GPR158: variants seen among roughly 807,000 people sequenced by gnomAD.
GPR158 encodes G protein-coupled receptor 158, also known as metabotropic glycine receptor.
Under a neutral mutation model 78.2 loss-of-function variants are expected in GPR158, and 30 were observed. That is an observed-to-expected ratio of 0.38 (90% confidence interval 0.29 to 0.52). GPR158 has a LOEUF of 0.52. Among genes scored for constraint, GPR158 ranks in the 20% least tolerant of loss-of-function variants. The probability of loss-of-function intolerance (pLI) is 0.83; values close to 1 mark genes in which losing one functional copy is unlikely to be tolerated. For synonymous variants in GPR158, 581 were observed against 591.1 expected, an observed-to-expected ratio of 0.98 and a Z score of 0.25; for missense variants, 1,463 against 1,523.5, an observed-to-expected ratio of 0.96 and a Z score of 0.66.
intron 4 of GPR158, among the ~76,000 whole-genome samples, chr10:25,465,020 T>A (rs1408224577): frequency 6.6e-6 from 1 of 152,178 alleles, no homozygotes; most frequent in East Asian, 1.9e-4. Context: ...AATTCTTAAA[T>A]TAATGCAAGC....
intron 2 of GPR158, among the ~76,000 whole-genome samples, chr10:25,267,045 T>C (rs1163904911): frequency 6.6e-6 from 1 of 152,198 alleles, no homozygotes; most frequent in Non-Finnish European, 1.5e-5. Flanking sequence ...GTTTTGTCTT[T>C]CTGCCCTCTA....
At position 25,376,916 on chromosome 10, in the gene GPR158, A is replaced by G. The variant is rs1005131326; in HGVS notation, c.1009-18995A>G. Among the ~76,000 whole-genome samples the G allele has an allele frequency of 2.0e-5, 3 of 151,510 alleles. No individual in the cohort carries two copies. The East Asian group carries it at 5.8e-4, about 29-fold the overall frequency. ...ATAACATATATATACATATGATTAT[A>G]TATGTAAAATTATATGTGTATATTT... is the stretch of plus-strand genomic sequence containing the variant. On this transcript the variant is annotated intron_variant, in intron 2 of 10. Transcript: ENST00000376351.
chr10:25,273,529 T>C (rs1256184312), intron 2 of GPR158, among the ~76,000 whole-genome samples: 1 of 151,782 alleles, frequency 6.6e-6, no homozygotes, highest in Non-Finnish European at 1.5e-5. Context: ...TATGAGGTAA[T>C]TTGCACCTAC....
Position 25,191,617 on chromosome 10 carries a change from G to GAAACAGCTTCATAT in GPR158, c.902+15318_902+15331dup, listed in dbSNP as rs879258231. ...TTGAAACACATATAAACATGTCATA[G>GAAACAGCTTCATAT]AAACAGCTTCATATAAACAGCTTCA... On this transcript the variant is annotated intron_variant, in intron 1 of 10. Coordinates refer to ENST00000376351, the MANE Select transcript of GPR158 (RefSeq NM_020752.3). 4.3e-3 allele frequency among the ~76,000 whole-genome samples: 660 copies of GAAACAGCTTCATAT among 152,254 alleles called. 3 individuals carry two copies. The highest frequency in any genetic ancestry group is 0.016 in the South Asian group (78 of 4,820).
chr10:25,394,140 A>G (rs1228331982), intron 2 of GPR158, among the ~76,000 whole-genome samples: 9 of 152,208 alleles, frequency 5.9e-5, no homozygotes, highest in African/African-American at 2.2e-4. Flanking sequence ...CTCAGGCCAA[A>G]AACGCTGGAG....
intron 5 of GPR158, among the ~76,000 whole-genome samples, chr10:25,495,455 G>A (rs1293941155): frequency 6.6e-6 from 1 of 151,496 alleles, no homozygotes; most frequent in African/African-American, 2.4e-5. Flanking sequence ...ATCACGCCCG[G>A]CCAATTTTTT....
At chr10:25,281,467 A>G (rs1288096587) in intron 2 of GPR158, among the ~76,000 whole-genome samples, 1 of 151,718 alleles carries the variant, frequency 6.6e-6, no homozygotes, top group Non-Finnish European at 1.5e-5. Flanking sequence ...AGTCCCAGCT[A>G]CTTGGGAGGC....
Position 25,371,265 on chromosome 10 carries a change from G to A in GPR158, c.1009-24646G>A, listed in dbSNP as rs1286467993. Among the ~76,000 whole-genome samples, 5 of 151,734 alleles carry A rather than the reference G, an allele frequency of 3.3e-5. 1 individual carries two copies. Among genetic ancestry groups the A allele is most frequent in the Non-Finnish European group, 2.9e-5 (2 of 67,868 alleles). On this transcript the variant is annotated intron_variant, in intron 2 of 10. Transcript: ENST00000376351. ...GTTGATGCAGTTTCTTCCTAGTCTC[G>A]ATGGTCTTTACATGTTGGAATGATT...
At position 25,315,805 on chromosome 10, in the gene GPR158, ACACC is replaced by A. The variant is rs1854839400; in HGVS notation, c.1009-80105_1009-80102del. 4.6e-5 allele frequency among the ~76,000 whole-genome samples: 7 copies of A among 152,092 alleles called. No individual in the cohort carries two copies. The South Asian group carries it at 1.5e-3, about 32-fold the overall frequency. ...AATACCTTTAGACCCTGTTGTTAAA[ACACC>A]TTTTGAAATGCCTTTAGACCCTGTT... On this transcript the variant is annotated intron_variant, in intron 2 of 10. Coordinates refer to ENST00000376351, the MANE Select transcript of GPR158 (RefSeq NM_020752.3).
intron 2 of GPR158, among the ~76,000 whole-genome samples, chr10:25,293,187 T>C (rs1052649354): frequency 2.6e-5 from 4 of 152,220 alleles, no homozygotes; most frequent in Non-Finnish European, 5.9e-5. Context: ...AGTTGAGAAT[T>C]CCTTTTCTAG....
chr10:25,229,804 G>C (rs1853424479), intron 2 of GPR158, among the ~76,000 whole-genome samples: 1 of 152,110 alleles, frequency 6.6e-6, no homozygotes, highest in South Asian at 2.1e-4. Flanking sequence ...AGAGATGATG[G>C]GATATTATCC....
At chr10:25,517,111 G>A (rs1203664853) in intron 5 of GPR158, among the ~76,000 whole-genome samples, 1 of 148,522 alleles carries the variant, frequency 6.7e-6, no homozygotes, top group Non-Finnish European at 1.5e-5. Flanking sequence ...GGATTCCTAG[G>A]TATTTTATTC....
intron 5 of GPR158, among the ~76,000 whole-genome samples, chr10:25,490,656 T>G (rs951531380): frequency 6.7e-6 from 1 of 149,342 alleles, no homozygotes; most frequent in African/African-American, 2.5e-5. Context: ...TATTCCGTGG[T>G]GTATATGTGC....
At chr10:25,503,336 C>A (rs1174994141) in intron 5 of GPR158, among the ~76,000 whole-genome samples, 3 of 151,622 alleles carry the variant, frequency 2.0e-5, no homozygotes, top group Non-Finnish European at 4.4e-5. Context: ...ATGATCATGC[C>A]ACTGCACTCC....
intron 4 of GPR158, among the ~76,000 whole-genome samples, chr10:25,436,850 C>A (rs953820793): frequency 6.6e-5 from 10 of 152,104 alleles, no homozygotes; most frequent in African/African-American, 2.4e-4. Context: ...TGAGCTCTTT[C>A]AGGGAAGTGT....
chr10:25,507,181 C>T (rs1186145603), intron 5 of GPR158, among the ~76,000 whole-genome samples: 5 of 152,170 alleles, frequency 3.3e-5, no homozygotes, highest in African/African-American at 9.7e-5. Context: ...CACACTGGCT[C>T]ATGCAGCTCC....
At position 25,323,137 on chromosome 10, in the gene GPR158, G is replaced by A. The variant is rs192905109; in HGVS notation, c.1009-72774G>A. On this transcript the variant is annotated intron_variant, in intron 2 of 10. Transcript: ENST00000376351. ...TGGGATTACAGTTGTGAGCCACCGC[G>A]CCTGGCCTCTGATTGGCAAGTCTTA... 3.3e-3 allele frequency among the ~76,000 whole-genome samples: 509 copies of A among 152,192 alleles called. 3 individuals carry two copies. Among genetic ancestry groups the A allele is most frequent in the African/African-American group, 0.011 (467 of 41,516 alleles).
At chr10:25,351,226 GT>G (rs1358547323) in intron 2 of GPR158, among the ~76,000 whole-genome samples, 1 of 151,890 alleles carries the variant, frequency 6.6e-6, no homozygotes. Flanking sequence ...TTCGAACTTA[GT>G]TTTCTTTGTT....
At chr10:25,451,313 T>C (rs1335827715) in intron 4 of GPR158, among the ~76,000 whole-genome samples, 1 of 152,222 alleles carries the variant, frequency 6.6e-6, no homozygotes, top group African/African-American at 2.4e-5. Context: ...TCTTAGCATT[T>C]TAATCAGTGA....
Sources: gnomAD v4.1 joint callset for allele counts (sites outside exome capture counted in the v4.1 genomes callset) on GRCh38, gnomAD v4.1.1 for gene constraint, MANE v1.5 for transcripts, NCBI Gene and HGNC (gene_info 2026-07-23, HGNC 2026-07-21) for gene names.